Variants in TASOR observed in about 807,000 individuals in gnomAD.
TASOR encodes protein TASOR.
In TASOR, 53 loss-of-function variants were observed where a neutral mutation model predicts 178.6. The observed-to-expected ratio is 0.30, with a 90% confidence interval of 0.24 to 0.37. The LOEUF (loss-of-function observed/expected upper bound fraction) is 0.37. Ranked by LOEUF, TASOR falls within the 10% of genes least tolerant of loss-of-function variation. The pLI is 1.00. For missense variants in TASOR, 1,815 were observed against 1,971.4 expected (o/e 0.92, Z 1.50); for synonymous variants, 713 against 696.2 (o/e 1.02, Z -0.38).
intron 1 of TASOR, among the ~76,000 whole-genome samples, chr3:56,680,267 C>T (rs1299049603): frequency 6.6e-6 from 1 of 152,102 alleles, no homozygotes; most frequent in Non-Finnish European, 1.5e-5. Context: ...TAGTACCTAC[C>T]ACAAAACATT....
At position 56,645,354 on chromosome 3, in the gene TASOR, AAAGACACTGATCTGACTAACCTAGACT is replaced by A. The variant is rs1342349928; in HGVS notation, c.2215+1141_2215+1167del. ...CAGATTGCTAAGAGCAAAAGTGTAA[AAAGACACTGATCTGACTAACCTAGACT>A]AAGACACTGATCTGACTAACCTAGA... On this transcript the variant is annotated intron_variant, in intron 14 of 23. Coordinates refer to ENST00000683822, the MANE Select transcript of TASOR (RefSeq NM_001365635.2). Among the ~76,000 whole-genome samples, 11 of 152,354 alleles carry A rather than the reference AAAGACACTGATCTGACTAACCTAGACT, an allele frequency of 7.2e-5. No individual in the cohort carries two copies. The East Asian group carries it at 1.5e-3, about 21-fold the overall frequency.
intron 11 of TASOR, among the ~76,000 whole-genome samples, chr3:56,656,597 C>G (rs528988216): frequency 6.6e-6 from 1 of 151,320 alleles, no homozygotes; most frequent in Non-Finnish European, 1.5e-5. Context: ...TCCCCCGCCC[C>G]CCCCCAAAAA....
At position 56,668,519 on chromosome 3, in the gene TASOR, T is replaced by C; in HGVS notation, c.775A>G (p.Ser259Gly). ...KSIYDPMGVKSLESMLNKSAL... is the reference protein window; with the variant it reads ...KSIYDPMGVKGLESMLNKSAL... ...CTCTTATTTAACATAGATTCCAAAC[T>C]TTTTACACCCATGGGGTCATATATA... Residue 259 changes from serine (S) to glycine (G), a missense_variant, in exon 6 of 24, where the codon AGT (serine) becomes GGT (glycine). Physicochemically the swap from Ser to Gly is moderately conservative, Grantham distance 56. This residue lies in a region of TASOR where 504 missense variants were observed against 645.3 expected (regional missense o/e 0.78). Coordinates refer to ENST00000683822, the MANE Select transcript of TASOR (RefSeq NM_001365635.2). 1 of 1,551,402 alleles carries C rather than the reference T, an allele frequency of 6.4e-7. No individual in the cohort carries two copies. The highest frequency in any genetic ancestry group is 8.7e-7 in the Non-Finnish European group (1 of 1,146,768).
At position 56,682,932 on chromosome 3, in the gene TASOR, G is replaced by C. The variant is rs1169541603; in HGVS notation, c.75C>G (p.Asp25Glu). The change falls in exon 1 of 24, where the codon GAC becomes GAG. Residue 25 changes from aspartate to glutamate, a missense_variant. Transcript: ENST00000683822. The stretch of plus-strand genomic sequence containing the variant: ...GCTCCGGAAGCGCCTGCTTCATCTC[G>C]TCGTCTCCGCCGCCGCCACTTTCCC... ...ASWESGGGGDDEMKQALPELE... is the reference protein window; with the variant it reads ...ASWESGGGGDEEMKQALPELE... The C allele has an allele frequency of 6.5e-6, 10 of 1,549,532 alleles. No homozygotes were observed. In the South Asian group the frequency reaches 1.2e-4, roughly 18 times the overall value.
intron 11 of TASOR, among the ~76,000 whole-genome samples, chr3:56,653,835 A>T (rs988086380): frequency 2.0e-5 from 3 of 152,252 alleles, no homozygotes; most frequent in Admixed American, 6.5e-5. Context: ...GGAAACTAAA[A>T]AATAAAAATT....
At chr3:56,631,529 T>A (rs941566147) in intron 18 of TASOR, among the ~76,000 whole-genome samples, 1 of 152,076 alleles carries the variant, frequency 6.6e-6, no homozygotes, top group Non-Finnish European at 1.5e-5. Context: ...TACGTATCTA[T>A]GTCTAAACAT....
At chr3:56,657,361 T>C (rs1477096898) in intron 11 of TASOR, among the ~76,000 whole-genome samples, 1 of 151,786 alleles carries the variant, frequency 6.6e-6, no homozygotes, top group East Asian at 1.9e-4. Flanking sequence ...TATAATCTTA[T>C]TTCGTGTATC....
At chr3:56,676,408 C>G (rs2031304422) in intron 1 of TASOR, among the ~76,000 whole-genome samples, 1 of 152,118 alleles carries the variant, frequency 6.6e-6, no homozygotes, top group East Asian at 1.9e-4. Context: ...TCATTCAAAC[C>G]TGTGTTATGG....
At chr3:56,628,128 G>T (rs185445020) in intron 19 of TASOR, among the ~76,000 whole-genome samples, 1 of 152,296 alleles carries the variant, frequency 6.6e-6, no homozygotes, top group East Asian at 1.9e-4. Flanking sequence ...GACTAGATGG[G>T]ATACCTCAAA....
rs1488096154 is a variant in TASOR, at chr3:56,622,959, C to T, written c.*78G>A. Reference sequence around the variant, plus strand: ...AAAAACATTTGAGAAAGAACAAGAACCTTTTGTTTAGAGAATGAAATATAA... The same window carrying T: ...AAAAACATTTGAGAAAGAACAAGAATCTTTTGTTTAGAGAATGAAATATAA... On this transcript the variant is annotated 3_prime_UTR_variant, in exon 24 of 24. Transcript: ENST00000683822. The T allele has an allele frequency of 1.0e-6, 1 of 964,298 alleles. No individual in the cohort carries two copies. 59.7% of individuals were successfully genotyped at this position (964,298 alleles called of 1,614,324 possible).
intron 14 of TASOR, among the ~76,000 whole-genome samples, chr3:56,642,907 C>G (rs1179515835): frequency 6.6e-6 from 1 of 151,822 alleles, no homozygotes; most frequent in African/African-American, 2.4e-5. Context: ...ACCCAGGAGG[C>G]GGAGGTTGCG....
intron 1 of TASOR, among the ~76,000 whole-genome samples, chr3:56,679,233 T>C (rs1481166081): frequency 6.6e-6 from 1 of 152,198 alleles, no homozygotes; most frequent in African/African-American, 2.4e-5. Flanking sequence ...AAATCACTTT[T>C]CTTCATTCTA....
Position 56,668,518 on chromosome 3 carries a change from C to T in TASOR, c.776G>A (p.Ser259Asn). ...ACTCTTATTTAACATAGATTCCAAA[C>T]TTTTTACACCCATGGGGTCATATAT... ...KSIYDPMGVK[S>N]LESMLNKSAL... Residue 259 changes from serine to asparagine, a missense_variant, in exon 6 of 24, where the codon AGT (serine) becomes AAT (asparagine). Ser to Asn is a conservative substitution (Grantham distance 46). Transcript: ENST00000683822. 6.4e-7 allele frequency: 1 copy of T among 1,551,476 alleles called. No homozygotes were observed. Among genetic ancestry groups the T allele is most frequent in the Non-Finnish European group, 8.7e-7 (1 of 1,146,850 alleles).
At chr3:56,643,647 C>T (rs975725116) in intron 14 of TASOR, among the ~76,000 whole-genome samples, 3 of 151,560 alleles carry the variant, frequency 2.0e-5, no homozygotes, top group Non-Finnish European at 2.9e-5. Context: ...CCCAGCTACT[C>T]GGGAGGCTGA....
Position 56,633,086 on chromosome 3 carries a change from A to G in TASOR, c.3705T>C (p.Tyr1235=). Residue 1235 remains tyrosine, a synonymous_variant, in exon 18 of 24, where the codon TAT becomes TAC. Transcript: ENST00000683822. ...GCACACTCTCTTCTTCTTCATGAAT[A>G]TAAAATTTCACAGTATTTTTCTGGA... ...KDVQKNTVKF[Y]IHEEEESVLC... is the part of the protein sequence containing the mutation. 1 of 1,607,936 alleles carries G rather than the reference A, an allele frequency of 6.2e-7. No homozygotes were observed. Among genetic ancestry groups the G allele is most frequent in the Non-Finnish European group, 8.5e-7 (1 of 1,178,204 alleles).
intron 14 of TASOR, among the ~76,000 whole-genome samples, chr3:56,641,984 A>G (rs2077134604): frequency 6.6e-6 from 1 of 152,218 alleles, no homozygotes; most frequent in South Asian, 2.1e-4. Flanking sequence ...CATTCTATCA[A>G]TAGGAAAATA....
chr3:56,634,022 ACACAAACC>A, intron 17 of TASOR, 56 bp from the exon 18 acceptor site: 1 of 1,369,826 alleles, frequency 7.3e-7, no homozygotes, highest in East Asian at 2.5e-5. Flanking sequence ...AGATATGAAA[ACACAAACC>A]CTTAAATTGG....
chr3:56,680,655 T>C (rs1277178991), intron 1 of TASOR, among the ~76,000 whole-genome samples: 2 of 151,908 alleles, frequency 1.3e-5, no homozygotes, highest in African/African-American at 2.4e-5. Flanking sequence ...ATAAAATTCA[T>C]GGTGGTAAAA....
intron 1 of TASOR, among the ~76,000 whole-genome samples, chr3:56,679,028 A>G (rs2107645336): frequency 6.7e-6 from 1 of 148,854 alleles, no homozygotes. Flanking sequence ...AAAAAAAAAG[A>G]CATACAAATG....
Sources: gnomAD v4.1 joint callset for allele counts (sites outside exome capture counted in the v4.1 genomes callset) on GRCh38, gnomAD v4.1.1 for gene constraint, gnomAD v4.1.1 regional missense constraint, MANE v1.5 for transcripts, NCBI Gene and HGNC (gene_info 2026-07-23, HGNC 2026-07-21) for gene names.